The following TGFBI variants were observed in gnomAD, a reference collection of about 807,000 sequenced individuals.
TGFBI encodes transforming growth factor-beta-induced protein ig-h3.
TGFBI carries 50 observed loss-of-function variants against 73.7 expected under a neutral mutation model. The ratio of observed to expected loss-of-function variants is 0.68; its 90% CI spans 0.54 to 0.86. The LOEUF (loss-of-function observed/expected upper bound fraction) is 0.86, where lower values mean the gene tolerates loss of function less well. Among genes scored for constraint, TGFBI ranks in the 40% least tolerant of loss-of-function variants. The probability of loss-of-function intolerance (pLI) is 0.00; values close to 1 mark genes in which losing one functional copy is unlikely to be tolerated. For missense variants in TGFBI, 839 were observed against 877.0 expected, an observed-to-expected ratio of 0.96 and a Z score of 0.55; for synonymous variants, 362 against 360.5, an observed-to-expected ratio of 1.00 and a Z score of -0.05.
chr5:136,053,132 T>G lies in TGFBI; in HGVS notation c.1126+13T>G, dbSNP rs756139864. Reference sequence around the variant, plus strand: ...ATCCCAGACTCAGGTAGGCCAGGCCTCCGGGGGCCTTGGCCCTGCCTGGCC... The same window carrying G: ...ATCCCAGACTCAGGTAGGCCAGGCCGCCGGGGGCCTTGGCCCTGCCTGGCC... On this transcript the variant is annotated intron_variant, in intron 8 of 16. Transcript: ENST00000442011. The G allele has an allele frequency of 6.2e-7, 1 of 1,611,688 alleles. No individual in the cohort carries two copies. Among genetic ancestry groups the G allele is most frequent in the South Asian group, 1.1e-5 (1 of 90,950 alleles).
In TGFBI at chr5:136,046,868, G is replaced by C; in HGVS notation, c.477G>C (p.Leu159=). The change falls in exon 5 of 17, where the codon CTG becomes CTC. Residue 159 remains leucine (L), a synonymous_variant. Transcript: ENST00000442011. ...CCTCCTAGGAAGTGCTGGACTCCCTGGTCAGCAATGTCAACATTGAGCTGC... is the reference window on the plus strand; with the variant it reads ...CCTCCTAGGAAGTGCTGGACTCCCTCGTCAGCAATGTCAACATTGAGCTGC... ...ASLPAEVLDS[L]VSNVNIELLN... 1 of 1,613,484 alleles carries C rather than the reference G, an allele frequency of 6.2e-7. No individual in the cohort carries two copies. The highest frequency in any genetic ancestry group is 8.5e-7 in the Non-Finnish European group (1 of 1,179,716).
intron 16 of TGFBI, among the ~76,000 whole-genome samples, 194 bp downstream of exon 16, chr5:136,062,881 G>T (rs968107848): frequency 6.6e-6 from 1 of 152,218 alleles, no homozygotes; most frequent in Non-Finnish European, 1.5e-5. Context: ...TGTAAGATGA[G>T]GATAATAAGA....
intron 13 of TGFBI, among the ~76,000 whole-genome samples, 184 bp downstream of exon 13, chr5:136,059,398 A>G (rs188879421): frequency 2.0e-5 from 3 of 152,362 alleles, no homozygotes; most frequent in African/African-American, 7.2e-5. Context: ...AAGTGAGATC[A>G]TAGTTAGACA....
chr5:136,063,130 T>G (rs373233565), intron 16 of TGFBI, 56 bp from the exon 17 acceptor site: 137 of 1,533,966 alleles, frequency 8.9e-5, no homozygotes, highest in Non-Finnish European at 1.1e-4. Context: ...GACAGTGTCC[T>G]AGACAGACAT....
intron 14 of TGFBI, 96 bp downstream of exon 14, chr5:136,061,032 T>A: frequency 1.1e-6 from 1 of 875,864 alleles, no homozygotes; most frequent in Non-Finnish European, 1.7e-6. Flanking sequence ...ATGATGAGAA[T>A]AACATGTAAT....
chr5:136,049,602 C>T (rs1379576584), intron 7 of TGFBI, 22 bp downstream of exon 7: 2 of 1,607,526 alleles, frequency 1.2e-6, no homozygotes, highest in Non-Finnish European at 1.7e-6. Flanking sequence ...TTGGCTCCTG[C>T]TGCTGCCTCA....
chr5:136,052,022 C>T (rs1410213290), intron 7 of TGFBI, among the ~76,000 whole-genome samples: 1 of 152,198 alleles, frequency 6.6e-6, no homozygotes, highest in Non-Finnish European at 1.5e-5. Context: ...CATAGAGCCT[C>T]GGTGACCTTG....
intron 7 of TGFBI, 22 bp from the exon 8 acceptor site, chr5:136,052,885 C>T (rs1370295736): frequency 1.2e-6 from 2 of 1,610,634 alleles, no homozygotes; most frequent in East Asian, 2.2e-5. Context: ...CCTGACTTGA[C>T]CTGAGTCTGT....
chr5:136,062,945 T>C (rs1751776319), intron 16 of TGFBI, among the ~76,000 whole-genome samples: 1 of 152,178 alleles, frequency 6.6e-6, no homozygotes, highest in Non-Finnish European at 1.5e-5. Context: ...TCTGGGAATA[T>C]TGCAAAGGGC....
chr5:136,063,512 G>A lies in TGFBI; in HGVS notation c.*286G>A. The A allele has an allele frequency of 2.4e-6, 1 of 412,272 alleles. No homozygotes were observed. The highest frequency in any genetic ancestry group is 3.3e-5 in the South Asian group (1 of 29,968). The allele number at this position is 412,272 out of a possible 1,614,324, so 25.5% of individuals were successfully genotyped here. A position where few individuals can be genotyped will look rare whatever the true frequency, so the allele number is the denominator to read the frequency against. On this transcript the variant is annotated 3_prime_UTR_variant, in exon 17 of 17. Transcript: ENST00000442011. ...GAGGACCTATCCCAAATGTGGAATTGACTGCCTATGCCAAGTCCCTGGAAA... is the reference window on the plus strand; with the variant it reads ...GAGGACCTATCCCAAATGTGGAATTAACTGCCTATGCCAAGTCCCTGGAAA...
chr5:136,040,209 C>G (rs995041731), intron 2 of TGFBI, among the ~76,000 whole-genome samples: 1 of 152,148 alleles, frequency 6.6e-6, no homozygotes, highest in Non-Finnish European at 1.5e-5. Context: ...GAGAGCCTCC[C>G]AGACATCCCT....
intron 1 of TGFBI, 29 bp downstream of exon 1, chr5:136,029,218 C>A (rs561556940): frequency 2.3e-4 from 335 of 1,448,708 alleles, no homozygotes; most frequent in Non-Finnish European, 2.8e-4. Context: ...CCAGGGGCTG[C>A]GGAAGGTCAG....
intron 13 of TGFBI, among the ~76,000 whole-genome samples, 176 bp from the exon 14 acceptor site, chr5:136,060,658 C>T (rs1052028984): frequency 1.3e-5 from 2 of 152,084 alleles, no homozygotes; most frequent in Non-Finnish European, 2.9e-5. Flanking sequence ...TGCAGTGAGT[C>T]GAGATCATGC....
At chr5:136,030,118 C>T (rs1048025068) in intron 1 of TGFBI, among the ~76,000 whole-genome samples, 2 of 152,202 alleles carry the variant, frequency 1.3e-5, no homozygotes, top group African/African-American at 4.8e-5. Context: ...TACCTGGTTG[C>T]ACCAACTTCT....
chr5:136,063,091 G>A (rs1051162821), intron 16 of TGFBI, 95 bp from the exon 17 acceptor site: 23 of 1,141,566 alleles, frequency 2.0e-5, no homozygotes, highest in South Asian at 7.8e-5. Flanking sequence ...GGCAGAAGGA[G>A]GCTGCTTGGC....
intron 1 of TGFBI, 122 bp downstream of exon 1, chr5:136,029,311 T>A: frequency 8.6e-7 from 1 of 1,169,052 alleles, no homozygotes; most frequent in Non-Finnish European, 1.1e-6. Flanking sequence ...CTAAAAACCT[T>A]GCAGCATGGA....
intron 10 of TGFBI, chr5:136,055,086 C>T (rs1238198376): frequency 1.6e-5 from 9 of 555,958 alleles, no homozygotes; most frequent in Non-Finnish European, 2.5e-5. Context: ...AATTATCCAA[C>T]CTGTATTGTG....
At chr5:136,062,780 AACATCATGGTGCAGTAAAAG>A (rs1350298215) in intron 16 of TGFBI, 93 bp downstream of exon 16, 20 of 1,355,816 alleles carry the variant, frequency 1.5e-5, no homozygotes, top group Non-Finnish European at 2.0e-5. Context: ...TATAGATAAG[AACATCATGGTGCAGTAAAAG>A]AAGCCTGGCC....
At chr5:136,046,817 C>A in intron 4 of TGFBI, 34 bp from the exon 5 acceptor site, 1 of 1,598,618 alleles carries the variant, frequency 6.3e-7, no homozygotes, top group Non-Finnish European at 8.5e-7. Context: ...ACAGAGTCTG[C>A]AGCCCCTAAC....
Sources: allele counts gnomAD v4.1 joint callset (sites outside exome capture counted in the v4.1 genomes callset), GRCh38; gene constraint gnomAD v4.1.1; transcripts MANE v1.5; gene names NCBI Gene and HGNC (gene_info 2026-07-23, HGNC 2026-07-21).